Variants in CSF2RB observed in about 807,000 individuals in gnomAD.
CSF2RB encodes the protein colony stimulating factor 2 receptor subunit beta.
CSF2RB carries 22 observed loss-of-function variants against 67.2 expected under a neutral mutation model. The ratio of observed to expected loss-of-function variants is 0.33; its 90% CI spans 0.23 to 0.47. The LOEUF (loss-of-function observed/expected upper bound fraction) is 0.47, where lower values mean the gene tolerates loss of function less well. Among genes scored for constraint, CSF2RB ranks in the 20% least tolerant of loss-of-function variants. The probability of loss-of-function intolerance (pLI) is 1.00; values close to 1 mark genes in which losing one functional copy is unlikely to be tolerated. For synonymous variants in CSF2RB, 507 were observed against 482.9 expected (o/e 1.05, Z -0.65); for missense variants, 1,113 against 1,174.5 (o/e 0.95, Z 0.76).
intron 6 of CSF2RB, 67 bp from the exon 7 acceptor site, chr22:36,930,308 T>A: frequency 6.2e-7 from 1 of 1,606,402 alleles, no homozygotes; most frequent in Admixed American, 1.7e-5. Flanking sequence ...AATCACACGG[T>A]GGGCACCCAC....
rs1486113154 is a variant in CSF2RB at position 36,939,991 on chromosome 22, G to A, written c.*1489G>A. 6.6e-6 allele frequency: 1 copy of A among 152,230 alleles called. No individual in the cohort carries two copies. Among genetic ancestry groups the A allele is most frequent in the Non-Finnish European group, 1.5e-5 (1 of 68,044 alleles). The allele number at this position is 152,230 out of a possible 1,614,324, so 9.4% of individuals were successfully genotyped here. ...TAATTATTTTTGAATGTGTGGATGTGAGACTGAGGTGCCTTTTGGTACTGA... is the reference window on the plus strand; with the variant it reads ...TAATTATTTTTGAATGTGTGGATGTAAGACTGAGGTGCCTTTTGGTACTGA... On this transcript the variant is annotated 3_prime_UTR_variant, in exon 14 of 14. Transcript: ENST00000403662.
chr22:36,930,558 T>A (rs775632483), intron 7 of CSF2RB, 48 bp downstream of exon 7: 1 of 1,611,758 alleles, frequency 6.2e-7, no homozygotes, highest in Admixed American at 1.7e-5. Flanking sequence ...GGCCTTGCTC[T>A]CTCCAAGCTT....
chr22:36,929,753 C>T lies in CSF2RB; in HGVS notation c.664C>T (p.Leu222Phe). Residue 222 changes from leucine (L) to phenylalanine (F), a missense_variant, in exon 6 of 14, where the codon CTC becomes TTC. Physicochemically the swap from Leu to Phe is conservative, Grantham distance 22. Around this residue, in one of 2 missense-constraint regions of CSF2RB, gnomAD observed 559 missense variants for 656.5 expected, o/e 0.85. Transcript: ENST00000403662. ...VRTRLAPGSRLSGRPSKWSPE... is the reference protein window; with the variant it reads ...VRTRLAPGSRFSGRPSKWSPE... ...GACCCGCCTGGCCCCAGGTTCTCGG[C>T]TCTCAGGACGTCCCAGCAAGTGGAG... is the stretch of plus-strand genomic sequence containing the variant. 6.2e-7 allele frequency: 1 copy of T among 1,614,154 alleles called. No individual in the cohort carries two copies.
chr22:36,929,019 AG>A (rs1487266225), intron 4 of CSF2RB, among the ~76,000 whole-genome samples: 1 of 152,146 alleles, frequency 6.6e-6, no homozygotes, highest in Non-Finnish European at 1.5e-5. Flanking sequence ...GGCAGGAGGA[AG>A]GGAGCTTGGA....
At position 36,926,000 on chromosome 22, in the gene CSF2RB, C is replaced by A. The variant is rs1459546016; in HGVS notation, c.214C>A (p.Pro72Thr). ...CTCTCCCAACAGGGACCTCCTGGAG[C>A]CAGTGTCCTGTGACCTCAGTGATGA... ...IRRVNEDLLE[P>T]VSCDLSDDMP... is the part of the protein sequence containing the mutation. Residue 72 changes from proline (P) to threonine (T), a missense_variant, in exon 4 of 14, where the codon CCA (proline) becomes ACA (threonine). By Grantham distance (38) the Pro-to-Thr change is conservative. Around this residue, in one of 2 missense-constraint regions of CSF2RB, gnomAD observed 559 missense variants for 656.5 expected, o/e 0.85. Transcript: ENST00000403662. 1 of 1,614,228 alleles carries A rather than the reference C, an allele frequency of 6.2e-7. No homozygotes were observed. Among genetic ancestry groups the A allele is most frequent in the Admixed American group, 1.7e-5 (1 of 60,026 alleles).
intron 8 of CSF2RB, 122 bp from the exon 9 acceptor site, chr22:36,932,643 C>T (rs1941171772): frequency 1.7e-6 from 2 of 1,177,010 alleles, no homozygotes; most frequent in African/African-American, 1.5e-5. Context: ...AAGGATCCAA[C>T]CATGGGCAGA....
intron 1 of CSF2RB, among the ~76,000 whole-genome samples, chr22:36,915,141 G>T (rs1172311367): frequency 3.3e-5 from 5 of 152,164 alleles, no homozygotes. Flanking sequence ...CTGGAATGCA[G>T]TGGTGCAATC....
intron 6 of CSF2RB, 121 bp from the exon 7 acceptor site, chr22:36,930,254 A>G (rs1941119129): frequency 7.1e-7 from 1 of 1,415,546 alleles, no homozygotes; most frequent in Admixed American, 1.7e-5. Flanking sequence ...CTGAAGTTTC[A>G]GCCCTGGTCT....
In CSF2RB at chr22:36,937,396, G is replaced by T. The variant is rs757730746; in HGVS notation, c.1588G>T (p.Gly530Trp). 6.2e-7 allele frequency: 1 copy of T among 1,613,578 alleles called. No homozygotes were observed. ...ELEGVFPVGF[G>W]DSEVSPLTIE... is the part of the protein sequence containing the mutation. ...CCACAGGGTGTTCCCTGTAGGATTCGGGGACAGCGAGGTGTCACCTCTCAC... is the reference window on the plus strand; with the variant it reads ...CCACAGGGTGTTCCCTGTAGGATTCTGGGACAGCGAGGTGTCACCTCTCAC... Residue 530 changes from glycine (G) to tryptophan (W), a missense_variant, in exon 14 of 14, where the codon GGG becomes TGG. By Grantham distance (184) the Gly-to-Trp change is radical (BLOSUM62 -2). Transcript: ENST00000403662. This position sits in a 1 kb window ranked among gnomAD's most constrained non-coding sequence, Gnocchi z 4.6.
At position 36,925,957 on chromosome 22, in the gene CSF2RB, C is replaced by T. The variant is rs528244366; in HGVS notation, c.201-30C>T. ...TCGTGAGTCAGTGATACCCATACAC[C>T]CTGGGCTAAGCCGTGTCCTCTCCCA... On this transcript the variant is annotated intron_variant, in intron 3 of 13. Transcript: ENST00000403662. 172 of 1,613,380 alleles carry T rather than the reference C, an allele frequency of 1.1e-4. No individual in the cohort carries two copies. In the South Asian group the frequency reaches 1.8e-3, roughly 17 times the overall value.
chr22:36,937,555 C>A lies in CSF2RB; in HGVS notation c.1747C>A (p.Gln583Lys), dbSNP rs776437857. ...PPAASHTPEK[Q>K]ASSFDFNGPY... is the part of the protein sequence containing the mutation. Reference sequence around the variant, plus strand: ...TGCCGCCTCCCACACACCTGAGAAACAGGCTTCCAGCTTTGACTTCAATGG... The same window carrying A: ...TGCCGCCTCCCACACACCTGAGAAAAAGGCTTCCAGCTTTGACTTCAATGG... Residue 583 changes from glutamine to lysine, a missense_variant, in exon 14 of 14, where the codon CAG becomes AAG. Physicochemically the swap from Gln to Lys is moderately conservative, Grantham distance 53. Coordinates refer to ENST00000403662, the MANE Select transcript of CSF2RB (RefSeq NM_000395.3). The surrounding 1 kb of genome is among the most constrained non-coding windows in gnomAD (Gnocchi z 4.6). 1.2e-6 allele frequency: 2 copies of A among 1,613,090 alleles called. No homozygotes were observed. Among genetic ancestry groups the A allele is most frequent in the Non-Finnish European group, 1.7e-6 (2 of 1,179,532 alleles).
intron 3 of CSF2RB, among the ~76,000 whole-genome samples, chr22:36,925,294 C>T (rs191835016): frequency 4.2e-4 from 64 of 152,334 alleles, no homozygotes; most frequent in Admixed American, 9.8e-4. Flanking sequence ...CCCTGTTGCA[C>T]GCCACTTCCT....
At chr22:36,935,543 T>A (rs147007198) in intron 11 of CSF2RB, 87 bp from the exon 12 acceptor site, 1 of 1,608,372 alleles carries the variant, frequency 6.2e-7, no homozygotes, top group Non-Finnish European at 8.5e-7. Flanking sequence ...GCTCCCTTCC[T>A]GGGCCTCAGT....
intron 1 of CSF2RB, among the ~76,000 whole-genome samples, chr22:36,917,238 A>G (rs548425988): frequency 6.6e-6 from 1 of 152,214 alleles, no homozygotes; most frequent in African/African-American, 2.4e-5. Context: ...TAGGTTTCTT[A>G]AGGGTTCTCC....
intron 3 of CSF2RB, among the ~76,000 whole-genome samples, chr22:36,925,523 C>T (rs768825897): frequency 5.3e-5 from 8 of 152,334 alleles, no homozygotes; most frequent in South Asian, 2.1e-4. Context: ...CCCTATCACA[C>T]GCTCTACTCC....
At position 36,938,624 on chromosome 22, in the gene CSF2RB, G is replaced by C; in HGVS notation, c.*122G>C. 9.1e-7 allele frequency: 1 copy of C among 1,095,802 alleles called. No homozygotes were observed. Among genetic ancestry groups the C allele is most frequent in the Non-Finnish European group, 1.3e-6 (1 of 783,118 alleles). The allele number at this position is 1,095,802 out of a possible 1,614,324, so 67.9% of individuals were successfully genotyped here. ...CCTGTCAAGGTAGCTAGAGGCCTGG[G>C]AAAGGAGATAGCCTTGCTCCGGCCC... On this transcript the variant is annotated 3_prime_UTR_variant, in exon 14 of 14. Coordinates refer to ENST00000403662, the MANE Select transcript of CSF2RB (RefSeq NM_000395.3).
chr22:36,936,639 C>T lies in CSF2RB; in HGVS notation c.1555C>T (p.Pro519Ser), dbSNP rs748040575. ...PHQGPWGSRF[P>S]ELEGVFPVGF... Reference sequence around the variant, plus strand: ...CCAGGGGCCGTGGGGCAGCCGCTTCCCTGAGCTGGAGGGGTGAGTGGGCTC... The same window carrying T: ...CCAGGGGCCGTGGGGCAGCCGCTTCTCTGAGCTGGAGGGGTGAGTGGGCTC... Residue 519 changes from proline to serine, a missense_variant, in exon 13 of 14, where the codon CCT becomes TCT. Transcript: ENST00000403662. The T allele has an allele frequency of 6.2e-7, 1 of 1,613,510 alleles. No individual in the cohort carries two copies. Among genetic ancestry groups the T allele is most frequent in the Non-Finnish European group, 8.5e-7 (1 of 1,179,930 alleles).
In CSF2RB at chr22:36,929,290, G is replaced by C. The variant is rs1601587355; in HGVS notation, c.392-112G>C. 2.1e-6 allele frequency: 3 copies of C among 1,433,782 alleles called. No homozygotes were observed. The South Asian group carries it at 3.5e-5, about 17-fold the overall frequency. The allele number at this position is 1,433,782 out of a possible 1,614,324, so 88.8% of individuals were successfully genotyped here. A position where few individuals can be genotyped will look rare whatever the true frequency, so the allele number is the denominator to read the frequency against. On this transcript the variant is annotated intron_variant, in intron 4 of 13. Coordinates refer to ENST00000403662, the MANE Select transcript of CSF2RB (RefSeq NM_000395.3). ...GGGTCTTGCTCAAGGTCCCTCAGCTGCTGGGGGCAGGGGTGGCCTGGAACC... is the reference window on the plus strand; with the variant it reads ...GGGTCTTGCTCAAGGTCCCTCAGCTCCTGGGGGCAGGGGTGGCCTGGAACC...
chr22:36,935,353 C>T lies in CSF2RB; in HGVS notation c.1318C>T (p.Leu440=), dbSNP rs542998448. The T allele has an allele frequency of 2.5e-6, 4 of 1,614,188 alleles. No individual in the cohort carries two copies. In the South Asian group the frequency reaches 3.3e-5, roughly 13 times the overall value. Reference sequence around the variant, plus strand: ...TCTTTCTCCCCGGCTGCTGGAAGTGCTGCCTATGTGGGTGCTGGCCCTCAT... The same window carrying T: ...TCTTTCTCCCCGGCTGCTGGAAGTGTTGCCTATGTGGGTGCTGGCCCTCAT... ...EARSWDTESV[L]PMWVLALIVI... is the part of the protein sequence containing the mutation. Residue 440 remains leucine, a splice_region_variant and synonymous_variant, in exon 11 of 14, where the codon CTG becomes TTG. Coordinates refer to ENST00000403662, the MANE Select transcript of CSF2RB (RefSeq NM_000395.3).
Sources: gnomAD v4.1 joint callset for allele counts (sites outside exome capture counted in the v4.1 genomes callset) on GRCh38, gnomAD v4.1.1 for gene constraint, gnomAD v4.1.1 regional missense constraint, Gnocchi (gnomAD v3.1) non-coding constraint, MANE v1.5 for transcripts, NCBI Gene and HGNC (gene_info 2026-07-23, HGNC 2026-07-21) for gene names.